Variants in RUNDC3B observed in about 807,000 individuals in gnomAD.
RUNDC3B encodes the protein RUN domain-containing protein 3B.
In RUNDC3B, 33 loss-of-function variants were observed where a neutral mutation model predicts 58.4. That is an observed-to-expected ratio of 0.56 (90% CI 0.43 to 0.75). The LOEUF (loss-of-function observed/expected upper bound fraction) is 0.75, where lower values mean the gene tolerates loss of function less well. Ranked by LOEUF, RUNDC3B falls within the 30% of genes least tolerant of loss-of-function variation. RUNDC3B has a pLI of 0.00. For missense variants in RUNDC3B, 501 were observed against 535.7 expected, an observed-to-expected ratio of 0.94 and a Z score of 0.64; for synonymous variants, 193 against 195.2, an observed-to-expected ratio of 0.99 and a Z score of 0.10.
At chr7:87,629,481 C>T (rs1820982276) in intron 1 of RUNDC3B, among the ~76,000 whole-genome samples, 1 of 152,136 alleles carries the variant, frequency 6.6e-6, no homozygotes, top group Admixed American at 6.5e-5. Flanking sequence ...AGCTACAGTG[C>T]TAGTGCTGGT....
chr7:87,682,798 C>T (rs1359271986), intron 2 of RUNDC3B, among the ~76,000 whole-genome samples: 1 of 152,182 alleles, frequency 6.6e-6, no homozygotes, highest in Admixed American at 6.5e-5. Flanking sequence ...GCATTGGCTT[C>T]AACTTAAAGC....
intron 2 of RUNDC3B, among the ~76,000 whole-genome samples, chr7:87,699,658 G>C (rs1585135837): frequency 6.6e-6 from 1 of 152,138 alleles, no homozygotes; most frequent in Non-Finnish European, 1.5e-5. Context: ...CACCCACCTT[G>C]GCCTTCCAAA....
chr7:87,659,106 A>T (rs1039611056), intron 2 of RUNDC3B: 24 of 299,506 alleles, frequency 8.0e-5, no homozygotes, highest in Non-Finnish European at 7.2e-5. Flanking sequence ...GTGAGCTGTG[A>T]TCGTGCCATC....
Position 87,628,614 on chromosome 7 carries a change from TGTGTGTG to T in RUNDC3B, c.-209_-203del, listed in dbSNP as rs1563084328. 485 of 358,462 alleles carry T rather than the reference TGTGTGTG, an allele frequency of 1.4e-3. No homozygotes were observed. The highest frequency in any genetic ancestry group is 9.6e-3 in the African/African-American group (455 of 47,302). The allele number at this position is 358,462 out of a possible 1,614,324, so 22.2% of individuals were successfully genotyped here. A position where few individuals can be genotyped will look rare whatever the true frequency, so the allele number is the denominator to read the frequency against. The stretch of plus-strand genomic sequence containing the variant: ...GTGTGTGTGTGTGTGTGTGTGTGTG[TGTGTGTG>T]TGTGGAGCTCGGGTGCCAAGGGCGA... On this transcript the variant is annotated 5_prime_UTR_variant, in exon 1 of 11. Coordinates refer to ENST00000394654, the MANE Select transcript of RUNDC3B (RefSeq NM_001134405.2).
At chr7:87,710,891 C>A (rs1563153410) in intron 4 of RUNDC3B, among the ~76,000 whole-genome samples, 1 of 152,164 alleles carries the variant, frequency 6.6e-6, no homozygotes, top group Non-Finnish European at 1.5e-5. Context: ...TTTTCTAAAT[C>A]ATTTCTGATT....
chr7:87,775,683 A>C (rs1011946559), intron 7 of RUNDC3B, among the ~76,000 whole-genome samples: 3 of 152,132 alleles, frequency 2.0e-5, no homozygotes, highest in Non-Finnish European at 4.4e-5. Flanking sequence ...TTTAAAAAAA[A>C]TCTTTTATAC....
intron 1 of RUNDC3B, among the ~76,000 whole-genome samples, chr7:87,630,235 G>C (rs1026823031): frequency 6.6e-6 from 1 of 152,094 alleles, no homozygotes; most frequent in African/African-American, 2.4e-5. Flanking sequence ...ATCTTAAGTG[G>C]AATACAGATA....
At chr7:87,755,335 C>T (rs930432642) in intron 6 of RUNDC3B, among the ~76,000 whole-genome samples, 2 of 152,080 alleles carry the variant, frequency 1.3e-5, no homozygotes, top group Non-Finnish European at 1.5e-5. Context: ...GATACCATTT[C>T]TGATGAAACT....
At chr7:87,655,381 A>G (rs1823995247) in intron 2 of RUNDC3B, among the ~76,000 whole-genome samples, 2 of 152,166 alleles carry the variant, frequency 1.3e-5, no homozygotes, top group South Asian at 4.1e-4. Flanking sequence ...ATGGAATGCT[A>G]TTCAGCCTTT....
intron 2 of RUNDC3B, among the ~76,000 whole-genome samples, chr7:87,680,522 G>C (rs1355270502): frequency 6.6e-6 from 1 of 150,904 alleles, no homozygotes; most frequent in Non-Finnish European, 1.5e-5. Flanking sequence ...GCCGGGCCCG[G>C]TGGCTCACGC....
At chr7:87,826,864 A>G (rs1392681828) in intron 10 of RUNDC3B, among the ~76,000 whole-genome samples, 1 of 152,180 alleles carries the variant, frequency 6.6e-6, no homozygotes, top group Non-Finnish European at 1.5e-5. Flanking sequence ...AAAAAGATGA[A>G]ACAAACTAGA....
At chr7:87,771,684 G>A (rs918369631) in intron 7 of RUNDC3B, among the ~76,000 whole-genome samples, 2 of 152,248 alleles carry the variant, frequency 1.3e-5, no homozygotes, top group Non-Finnish European at 1.5e-5. Context: ...CAGGGATGGG[G>A]GTGAAGGCAT....
chr7:87,713,851 A>C lies in RUNDC3B; in HGVS notation c.458+3196A>C, dbSNP rs542855041. Reference sequence around the variant, plus strand: ...TGAAAATGTAACAAGAATTTGAAGTAATAAGTATGGAAAATATAAAGATAA... The same window carrying C: ...TGAAAATGTAACAAGAATTTGAAGTCATAAGTATGGAAAATATAAAGATAA... On this transcript the variant is annotated intron_variant, in intron 4 of 10. Transcript: ENST00000394654. 3.3e-5 allele frequency among the ~76,000 whole-genome samples: 5 copies of C among 152,304 alleles called. No homozygotes were observed. The East Asian group carries it at 7.7e-4, about 23-fold the overall frequency.
At chr7:87,687,640 T>A (rs1344868163) in intron 2 of RUNDC3B, among the ~76,000 whole-genome samples, 1 of 152,108 alleles carries the variant, frequency 6.6e-6, no homozygotes, top group African/African-American at 2.4e-5. Context: ...TGTTGAAAAA[T>A]TGATGGAAGA....
intron 6 of RUNDC3B, among the ~76,000 whole-genome samples, chr7:87,764,119 A>G (rs1833844938): frequency 6.6e-6 from 1 of 151,804 alleles, no homozygotes; most frequent in Admixed American, 6.6e-5. Flanking sequence ...TTTTATTAGC[A>G]CATTTAATTT....
At chr7:87,652,575 G>C (rs1823680013) in intron 2 of RUNDC3B, among the ~76,000 whole-genome samples, 1 of 145,894 alleles carries the variant, frequency 6.9e-6, no homozygotes, top group Non-Finnish European at 1.5e-5. Flanking sequence ...TTTTAAGCTA[G>C]GTAAGTTAAT....
intron 2 of RUNDC3B, among the ~76,000 whole-genome samples, chr7:87,669,362 G>C (rs1383583289): frequency 6.6e-6 from 1 of 152,064 alleles, no homozygotes; most frequent in Admixed American, 6.6e-5. Flanking sequence ...TTGAGCCTAT[G>C]AGTGTCATTA....
At chr7:87,668,952 G>A (rs1378163644) in intron 2 of RUNDC3B, among the ~76,000 whole-genome samples, 1 of 152,008 alleles carries the variant, frequency 6.6e-6, no homozygotes, top group Non-Finnish European at 1.5e-5. Context: ...GTATATTCTG[G>A]TGTTTTTTGG....
intron 4 of RUNDC3B, among the ~76,000 whole-genome samples, chr7:87,736,867 ATATATATATATATATATATATATTTTTTT>A (rs1287318891): frequency 1.4e-4 from 5 of 35,490 alleles, no homozygotes; most frequent in Non-Finnish European, 2.7e-4. Context: ...ATATATATAT[ATATATATATATATATATATATATTTTTTT>A]TTTTTTTTTT....
Sources: allele counts gnomAD v4.1 joint callset (sites outside exome capture counted in the v4.1 genomes callset), GRCh38; gene constraint gnomAD v4.1.1; transcripts MANE v1.5; gene names NCBI Gene and HGNC (gene_info 2026-07-23, HGNC 2026-07-21).